Variants in CAPN7 observed in about 807,000 individuals in gnomAD.
CAPN7 encodes calpain-7.
CAPN7 carries 72 observed loss-of-function variants against 115.2 expected under a neutral mutation model. The ratio of observed to expected loss-of-function variants is 0.63; its 90% CI spans 0.52 to 0.76. The LOEUF (loss-of-function observed/expected upper bound fraction) is 0.76. Ranked by LOEUF, CAPN7 falls within the 30% of genes least tolerant of loss-of-function variation. CAPN7 has a pLI of 0.00. For synonymous variants in CAPN7, 344 were observed against 322.3 expected (o/e 1.07, Z -0.72); for missense variants, 905 against 971.5 (o/e 0.93, Z 0.91).
chr3:15,238,929 T>C (rs1177984958), intron 12 of CAPN7, among the ~76,000 whole-genome samples: 1 of 143,538 alleles, frequency 7.0e-6, no homozygotes, highest in African/African-American at 2.7e-5. Flanking sequence ...AAACAAAATC[T>C]ACATCCATAT....
rs1240006571 is a variant in CAPN7 at position 15,206,417 on chromosome 3, C to A, written c.-79C>A. 1 of 1,125,334 alleles carries A rather than the reference C, an allele frequency of 8.9e-7. No homozygotes were observed. The highest frequency in any genetic ancestry group is 1.3e-6 in the Non-Finnish European group (1 of 783,976). The allele number at this position is 1,125,334 out of a possible 1,614,324, so 69.7% of individuals were successfully genotyped here. A position where few individuals can be genotyped will look rare whatever the true frequency, so the allele number is the denominator to read the frequency against. Reference sequence around the variant, plus strand: ...CCGCGGCGCTCCCGAGTCCTCGCCGCCGCCGGGCCGCCGCAGTCCGCGAAG... The same window carrying A: ...CCGCGGCGCTCCCGAGTCCTCGCCGACGCCGGGCCGCCGCAGTCCGCGAAG... On this transcript the variant is annotated 5_prime_UTR_variant, in exon 1 of 21. Transcript: ENST00000253693.
At chr3:15,213,879 ATTTT>A (rs113975216) in intron 2 of CAPN7, among the ~76,000 whole-genome samples, 2 of 137,430 alleles carry the variant, frequency 1.5e-5, no homozygotes, top group African/African-American at 2.8e-5. Context: ...TTCAAAAAGG[ATTTT>A]TTTTTTTTTT....
intron 14 of CAPN7, 141 bp downstream of exon 14, chr3:15,240,994 C>T: frequency 1.8e-6 from 1 of 562,504 alleles, no homozygotes. Flanking sequence ...CAGTTGACCT[C>T]AGGAGTTCTA....
At chr3:15,235,860 A>G (rs745882283) in intron 12 of CAPN7, among the ~76,000 whole-genome samples, 26 of 152,128 alleles carry the variant, frequency 1.7e-4, no homozygotes, top group Non-Finnish European at 3.4e-4. Flanking sequence ...CTGAATAAAT[A>G]CTTATGAAAG....
Position 15,230,551 on chromosome 3 carries a change from C to T in CAPN7, c.1032+16C>T, listed in dbSNP as rs762671199. ...CCCAAGAAAGGTGAATAATGTCTCT[C>T]CCCACTCCCATCCCTTGTCTCTCTC... is the stretch of plus-strand genomic sequence containing the variant. On this transcript the variant is annotated intron_variant, in intron 9 of 20. Coordinates refer to ENST00000253693, the MANE Select transcript of CAPN7 (RefSeq NM_014296.3). 22 of 1,439,916 alleles carry T rather than the reference C, an allele frequency of 1.5e-5. No individual in the cohort carries two copies. In the East Asian group the frequency reaches 4.8e-4, roughly 31 times the overall value. 89.2% of individuals were successfully genotyped at this position (1,439,916 alleles called of 1,614,324 possible).
chr3:15,243,460 A>G (rs1291017486), intron 16 of CAPN7, among the ~76,000 whole-genome samples: 1 of 152,182 alleles, frequency 6.6e-6, no homozygotes, highest in African/African-American at 2.4e-5. Flanking sequence ...TGGAGTTTGA[A>G]GATAGGACTG....
At chr3:15,235,567 G>A (rs956389457) in intron 12 of CAPN7, among the ~76,000 whole-genome samples, 11 of 152,234 alleles carry the variant, frequency 7.2e-5, no homozygotes, top group African/African-American at 2.6e-4. Context: ...GTGGGTGGGA[G>A]CATGGTTTCA....
At position 15,232,526 on chromosome 3, in the gene CAPN7, T is replaced by C. The variant is rs1162751907; in HGVS notation, c.1040T>C (p.Ile347Thr). The C allele has an allele frequency of 1.2e-6, 2 of 1,603,880 alleles. No homozygotes were observed. Among genetic ancestry groups the C allele is most frequent in the Non-Finnish European group, 1.7e-6 (2 of 1,176,756 alleles). The change falls in exon 10 of 21, where the codon ATT becomes ACT. Residue 347 changes from isoleucine to threonine, a missense_variant. Transcript: ENST00000253693. ...HLNGVPRKVIIDDQLPVDHKG... is the reference protein window; with the variant it reads ...HLNGVPRKVITDDQLPVDHKG... ...AATGTTCTCTTTCTCCAGGTGATAA[T>C]TGATGACCAGTTACCTGTTGATCAC...
intron 19 of CAPN7, among the ~76,000 whole-genome samples, chr3:15,250,689 T>C (rs1695954901): frequency 6.6e-6 from 1 of 151,976 alleles, no homozygotes; most frequent in South Asian, 2.1e-4. Flanking sequence ...ATAAAATATT[T>C]CCCGGGGAGC....
Position 15,241,506 on chromosome 3 carries a change from A to G in CAPN7, c.1706A>G (p.Asn569Ser). ...AAAGATGCCTATAGCCTGGCCAACA[A>G]CCCCCAGTACAAACTGGAGGTGCAG... is the stretch of plus-strand genomic sequence containing the variant. ...PVKDAYSLANNPQYKLEVQCP... is the reference protein window; with the variant it reads ...PVKDAYSLANSPQYKLEVQCP... The change falls in exon 15 of 21, where the codon AAC becomes AGC. Residue 569 changes from asparagine (N) to serine (S), a missense_variant. Asn to Ser is a conservative substitution (Grantham distance 46). Transcript: ENST00000253693. 12 of 1,613,854 alleles carry G rather than the reference A, an allele frequency of 7.4e-6. No homozygotes were observed. Among genetic ancestry groups the G allele is most frequent in the Non-Finnish European group, 1.0e-5 (12 of 1,179,962 alleles).
chr3:15,238,367 G>A (rs1369396058), intron 12 of CAPN7, among the ~76,000 whole-genome samples: 2 of 151,544 alleles, frequency 1.3e-5, no homozygotes, highest in Admixed American at 6.6e-5. Context: ...ACCCACCTTG[G>A]CCTCCCAAAG....
chr3:15,208,686 A>G (rs73142927), intron 1 of CAPN7, among the ~76,000 whole-genome samples: 7,423 of 152,216 alleles, frequency 0.049, 621 homozygotes, highest in African/African-American at 0.17. Context: ...ATATCTTTAT[A>G]ACTAATTCTT....
intron 1 of CAPN7, among the ~76,000 whole-genome samples, chr3:15,209,869 T>G (rs2044836495): frequency 6.6e-6 from 1 of 152,250 alleles, no homozygotes. Context: ...TAGAAATTAT[T>G]TATATAAGCT....
At position 15,233,992 on chromosome 3, in the gene CAPN7, T is replaced by G. The variant is rs1203379989; in HGVS notation, c.1286+19T>G. Reference sequence around the variant, plus strand: ...ATCAAAGGTAAACATTTTTCTTTGTTTTATGTGTGTGGTAAATGTGGCCGT... The same window carrying G: ...ATCAAAGGTAAACATTTTTCTTTGTGTTATGTGTGTGGTAAATGTGGCCGT... On this transcript the variant is annotated intron_variant, in intron 11 of 20. Coordinates refer to ENST00000253693, the MANE Select transcript of CAPN7 (RefSeq NM_014296.3). 7.5e-7 allele frequency: 1 copy of G among 1,327,770 alleles called. No homozygotes were observed. The highest frequency in any genetic ancestry group is 1.7e-5 in the Admixed American group (1 of 57,314). The allele number at this position is 1,327,770 out of a possible 1,614,324, so 82.2% of individuals were successfully genotyped here.
chr3:15,223,225 C>T (rs1694107152), intron 5 of CAPN7, among the ~76,000 whole-genome samples: 1 of 152,102 alleles, frequency 6.6e-6, no homozygotes, highest in African/African-American at 2.4e-5. Flanking sequence ...TTCATTACCT[C>T]TTGAATAGTC....
At chr3:15,207,675 G>A (rs907928033) in intron 1 of CAPN7, among the ~76,000 whole-genome samples, 2 of 149,730 alleles carry the variant, frequency 1.3e-5, no homozygotes, top group Non-Finnish European at 3.0e-5. Flanking sequence ...TAAAAACTAA[G>A]GCACACGTTA....
chr3:15,250,045 G>A (rs1380164660), intron 19 of CAPN7, among the ~76,000 whole-genome samples: 2 of 150,338 alleles, frequency 1.3e-5, no homozygotes, highest in African/African-American at 2.4e-5. Flanking sequence ...TTACAGGCGT[G>A]AGCCACCGCG....
Position 15,240,210 on chromosome 3 carries a change from A to G in CAPN7, c.1408-263A>G, listed in dbSNP as rs543397486. Among the ~76,000 whole-genome samples, 4 of 152,350 alleles carry G rather than the reference A, an allele frequency of 2.6e-5. No individual in the cohort carries two copies. The East Asian group carries it at 7.7e-4, about 29-fold the overall frequency. ...TAACATTTGAAATGTGGCTGCTGTGACTAAGGAACTGATTTTTGAATTTTA... is the reference window on the plus strand; with the variant it reads ...TAACATTTGAAATGTGGCTGCTGTGGCTAAGGAACTGATTTTTGAATTTTA... On this transcript the variant is annotated intron_variant, in intron 12 of 20. Coordinates refer to ENST00000253693, the MANE Select transcript of CAPN7 (RefSeq NM_014296.3).
At chr3:15,245,493 T>A in intron 16 of CAPN7, 33 bp from the exon 17 acceptor site, 2 of 1,577,450 alleles carry the variant, frequency 1.3e-6, no homozygotes, top group Non-Finnish European at 1.7e-6. Context: ...AAGAAAAGTC[T>A]CCTTTTCTCT....
Sources: gnomAD v4.1 joint callset for allele counts (sites outside exome capture counted in the v4.1 genomes callset) on GRCh38, gnomAD v4.1.1 for gene constraint, MANE v1.5 for transcripts, NCBI Gene and HGNC (gene_info 2026-07-23, HGNC 2026-07-21) for gene names.